The following OTUD7B variants were observed in gnomAD, a reference collection of about 807,000 sequenced individuals.
The protein encoded by OTUD7B is OTU deubiquitinase 7B.
OTUD7B carries 34 observed loss-of-function variants against 82.2 expected under a neutral mutation model. That is an observed-to-expected ratio of 0.41 (90% CI 0.31 to 0.55). OTUD7B has a LOEUF of 0.55. Among genes scored for constraint, OTUD7B ranks in the 20% least tolerant of loss-of-function variants. The pLI is 0.20. For synonymous variants in OTUD7B, 398 were observed against 402.7 expected, an observed-to-expected ratio of 0.99 and a Z score of 0.14; for missense variants, 944 against 1,062.1, an observed-to-expected ratio of 0.89 and a Z score of 1.55.
upstream of OTUD7B, among the ~76,000 whole-genome samples, chr1:150,014,509 A>T (rs1653215109): frequency 6.6e-6 from 1 of 152,052 alleles, no homozygotes; most frequent in Non-Finnish European, 1.5e-5. Context: ...AATGAAATAT[A>T]TGTGTACACA....
At chr1:150,000,344 G>A (rs945757837) in intron 1 of OTUD7B, among the ~76,000 whole-genome samples, 13 of 151,690 alleles carry the variant, frequency 8.6e-5, no homozygotes, top group East Asian at 3.9e-4. Context: ...GTGTGGTAGC[G>A]CGCACCTGTA....
intron 1 of OTUD7B, among the ~76,000 whole-genome samples, chr1:149,986,049 T>C (rs1208218375): frequency 6.6e-6 from 1 of 152,170 alleles, no homozygotes; most frequent in Non-Finnish European, 1.5e-5. Context: ...GCACCCTGTA[T>C]GCTACTTCTA....
At chr1:150,000,346 G>A (rs111682148) in intron 1 of OTUD7B, among the ~76,000 whole-genome samples, 3,181 of 151,916 alleles carry the variant, frequency 0.021, 89 homozygotes, top group African/African-American at 0.07. Flanking sequence ...GTGGTAGCGC[G>A]CACCTGTAGT....
chr1:150,054,956 C>A, the OTUD7B span: 1 of 325,236 alleles, frequency 3.1e-6, no homozygotes, highest in Non-Finnish European at 6.2e-6. Context: ...AAAATCAAAG[C>A]TATTCCTCAG....
At chr1:149,997,839 C>G (rs1431719929) in intron 1 of OTUD7B, among the ~76,000 whole-genome samples, 1 of 152,106 alleles carries the variant, frequency 6.6e-6, no homozygotes, top group Non-Finnish European at 1.5e-5. Flanking sequence ...CCACTTGACC[C>G]ATCTCTTCTC....
At chr1:149,970,953 A>G in intron 3 of OTUD7B, 110 bp downstream of exon 3, 1 of 1,035,218 alleles carries the variant, frequency 9.7e-7, no homozygotes, top group Non-Finnish European at 1.4e-6. Context: ...TGGCTGGGAG[A>G]AGGGGAAGAA....
At chr1:149,984,801 A>C (rs1018641363) in intron 1 of OTUD7B, among the ~76,000 whole-genome samples, 3 of 152,156 alleles carry the variant, frequency 2.0e-5, no homozygotes, top group Non-Finnish European at 4.4e-5. Flanking sequence ...CAAGCCAGGG[A>C]GCCGCCCTGG....
chr1:150,037,378 C>G, the OTUD7B span, among the ~76,000 whole-genome samples: 1 of 151,716 alleles, frequency 6.6e-6, no homozygotes, highest in Admixed American at 6.6e-5. Flanking sequence ...TAAAGGCATA[C>G]AGCTCCAAGA....
rs1553786975 is a variant in OTUD7B, at chr1:150,009,955, A to AC, written c.-67+492_-67+493insG. On this transcript the variant is annotated intron_variant, in intron 1 of 11. Coordinates refer to ENST00000581312, the MANE Select transcript of OTUD7B (RefSeq NM_020205.4). Reference sequence around the variant, plus strand: ...CTCTCCCTCTCTCACACACACACACAAACACACACACACACCTTTTTCTCG... The same window carrying AC: ...CTCTCCCTCTCTCACACACACACACACAACACACACACACACCTTTTTCTCG... Among the ~76,000 whole-genome samples the AC allele has an allele frequency of 2.4e-4, 36 of 151,324 alleles. 1 individual carries two copies. The highest frequency in any genetic ancestry group is 8.6e-4 in the African/African-American group (35 of 40,754).
At position 149,941,681 on chromosome 1, in the gene OTUD7B, A is replaced by G. The variant is rs1241252568; in HGVS notation, c.*2176T>C. 2.0e-5 allele frequency: 3 copies of G among 152,226 alleles called. No individual in the cohort carries two copies. The highest frequency in any genetic ancestry group is 3.2e-3 in the Middle Eastern group (1 of 316). 9.4% of individuals were successfully genotyped at this position (152,226 alleles called of 1,614,324 possible). A position where few individuals can be genotyped will look rare whatever the true frequency, so the allele number is the denominator to read the frequency against. On this transcript the variant is annotated 3_prime_UTR_variant, in exon 12 of 12. Transcript: ENST00000581312. ...AAGGATTCATCCCCATACTTATTCAATTCAGCCTCACTTCCCTCCTCCTAA... is the reference window on the plus strand; with the variant it reads ...AAGGATTCATCCCCATACTTATTCAGTTCAGCCTCACTTCCCTCCTCCTAA...
chr1:150,033,887 A>G, the OTUD7B span, among the ~76,000 whole-genome samples: 1 of 151,946 alleles, frequency 6.6e-6, no homozygotes, highest in Admixed American at 6.6e-5. Flanking sequence ...ACACCCAGCT[A>G]ATTTTTGTAT....
At chr1:149,962,972 T>C (rs1315842125) in intron 6 of OTUD7B, 1 of 152,232 alleles carries the variant, frequency 6.6e-6, no homozygotes, top group African/African-American at 2.4e-5. Flanking sequence ...TGTGGGTTTA[T>C]TTCCCTCAGG....
In OTUD7B at chr1:149,971,198, C is replaced by T. The variant is rs782241196; in HGVS notation, c.139G>A (p.Val47Ile). Reference protein sequence around the residue: ...ALSDFEQLRQVHAGNLPPSFS... With the variant: ...ALSDFEQLRQIHAGNLPPSFS... ...GATGGGGGTAGGTTTCCAGCATGGA[C>T]TTGACGTAGCTGTTCAAAATCACTG... Residue 47 changes from valine to isoleucine, a missense_variant, in exon 3 of 12, where the codon GTC (valine) becomes ATC (isoleucine). By Grantham distance (29) the Val-to-Ile change is conservative (BLOSUM62 3). This residue lies in a region of OTUD7B where 530 missense variants were observed against 625.6 expected (regional missense o/e 0.85). Coordinates refer to ENST00000581312, the MANE Select transcript of OTUD7B (RefSeq NM_020205.4). 61 of 1,613,380 alleles carry T rather than the reference C, an allele frequency of 3.8e-5. No individual in the cohort carries two copies. The highest frequency in any genetic ancestry group is 4.2e-5 in the Non-Finnish European group (50 of 1,179,518).
upstream of OTUD7B, among the ~76,000 whole-genome samples, chr1:150,013,023 GC>G (rs1553787800): frequency 6.6e-6 from 1 of 152,208 alleles, no homozygotes; most frequent in African/African-American, 2.4e-5. Flanking sequence ...AGCCATTTAG[GC>G]TGGCACTAGG....
At chr1:150,049,219 C>T in the OTUD7B span, among the ~76,000 whole-genome samples, 1 of 152,142 alleles carries the variant, frequency 6.6e-6, no homozygotes, top group Non-Finnish European at 1.5e-5. Flanking sequence ...ATCAGATTAC[C>T]TGGTTCTCAA....
the OTUD7B span, among the ~76,000 whole-genome samples, chr1:150,020,604 C>A: frequency 2.6e-5 from 4 of 152,018 alleles, no homozygotes; most frequent in African/African-American, 9.7e-5. Flanking sequence ...TGTACCCTTG[C>A]CCCAGACCCC....
chr1:149,947,192 G>C lies in OTUD7B; in HGVS notation c.1323+59C>G. On this transcript the variant is annotated intron_variant, in intron 11 of 11. Coordinates refer to ENST00000581312, the MANE Select transcript of OTUD7B (RefSeq NM_020205.4). ...GAAGGAAACCATCCCAGATCTCCTT[G>C]TTCTGTCACTGAAAATGAAATGAAG... 2.0e-6 allele frequency: 2 copies of C among 986,476 alleles called. 1 individual carries two copies. The highest frequency in any genetic ancestry group is 2.6e-5 in the South Asian group (2 of 76,596). 61.1% of individuals were successfully genotyped at this position (986,476 alleles called of 1,614,324 possible). A position where few individuals can be genotyped will look rare whatever the true frequency, so the allele number is the denominator to read the frequency against.
At chr1:150,059,791 G>C in the OTUD7B span, among the ~76,000 whole-genome samples, 1 of 151,800 alleles carries the variant, frequency 6.6e-6, no homozygotes, top group Non-Finnish European at 1.5e-5. Flanking sequence ...TTCAAAGAGA[G>C]GGAAAAAAAG....
the OTUD7B span, chr1:150,053,975 A>G: frequency 2.6e-6 from 1 of 382,866 alleles, no homozygotes; most frequent in Non-Finnish European, 4.7e-6. Context: ...TAAGAAGCCC[A>G]AGAACAGGAA....
Sources: gnomAD v4.1 joint callset for allele counts (sites outside exome capture counted in the v4.1 genomes callset) on GRCh38, gnomAD v4.1.1 for gene constraint, gnomAD v4.1.1 regional missense constraint, MANE v1.5 for transcripts, NCBI Gene and HGNC (gene_info 2026-07-23, HGNC 2026-07-21) for gene names.